Variants in CXCL13 observed in about 807,000 individuals in gnomAD.
CXCL13 encodes the protein C-X-C motif chemokine ligand 13, also known as C-X-C motif chemokine 13.
Under a neutral mutation model 12.2 loss-of-function variants are expected in CXCL13, and 7 were observed. That is an observed-to-expected ratio of 0.57 (90% CI 0.33 to 1.07). CXCL13 has a LOEUF of 1.07. CXCL13 is among the 50% of genes least tolerant of loss of function. CXCL13 has a pLI of 0.04. For missense variants in CXCL13, 113 were observed against 127.4 expected, an observed-to-expected ratio of 0.89 and a Z score of 0.55; for synonymous variants, 47 against 42.4, an observed-to-expected ratio of 1.11 and a Z score of -0.42.
intron 1 of CXCL13, among the ~76,000 whole-genome samples, chr4:77,606,755 T>C (rs1727011714): frequency 6.6e-6 from 1 of 152,236 alleles, no homozygotes; most frequent in South Asian, 2.1e-4. Flanking sequence ...TGTGGTATTT[T>C]AGTTTTTGTT....
intron 1 of CXCL13, among the ~76,000 whole-genome samples, chr4:77,554,800 C>G (rs1041430081): frequency 3.3e-5 from 5 of 152,012 alleles, no homozygotes; most frequent in African/African-American, 1.2e-4. Flanking sequence ...GAAAAATCCA[C>G]AAATGTTTGG....
chr4:77,538,505 C>A (rs951302882), intron 1 of CXCL13, among the ~76,000 whole-genome samples: 9 of 151,728 alleles, frequency 5.9e-5, no homozygotes, highest in Non-Finnish European at 1.0e-4. Context: ...TCCACACCCA[C>A]CCTCAACTTC....
At chr4:77,568,755 A>C (rs1415735649) in intron 1 of CXCL13, among the ~76,000 whole-genome samples, 1 of 152,136 alleles carries the variant, frequency 6.6e-6, no homozygotes, top group Non-Finnish European at 1.5e-5. Flanking sequence ...ACTGCCCCCG[A>C]AATGCTCTGT....
chr4:77,587,710 T>C (rs972452239), intron 1 of CXCL13, among the ~76,000 whole-genome samples: 4 of 152,218 alleles, frequency 2.6e-5, no homozygotes, highest in African/African-American at 9.7e-5. Flanking sequence ...CCCAAGGCCA[T>C]GAAACTAGTA....
intron 1 of CXCL13, among the ~76,000 whole-genome samples, chr4:77,583,605 G>T (rs1189044539): frequency 6.6e-6 from 1 of 152,168 alleles, no homozygotes; most frequent in South Asian, 2.1e-4. Flanking sequence ...AGGGTACTGA[G>T]TTCTCCTTTC....
intron 1 of CXCL13, among the ~76,000 whole-genome samples, chr4:77,545,732 C>A (rs1725345841): frequency 6.6e-6 from 1 of 152,036 alleles, no homozygotes; most frequent in South Asian, 2.1e-4. Context: ...AATTGAATAC[C>A]CTTTATTTCT....
rs140913003 is a variant in CXCL13, at chr4:77,558,427, A to C, written c.-43+46639A>C. Among the ~76,000 whole-genome samples the C allele has an allele frequency of 1.3e-3, 199 of 152,190 alleles. 2 individuals carry two copies. The highest frequency in any genetic ancestry group is 4.7e-3 in the African/African-American group (194 of 41,518). The stretch of plus-strand genomic sequence containing the variant: ...GACTACAGTGGAGCAATCTCAGCTC[A>C]CTGCAACCTCTGCCTCCCAAATTCA... On this transcript the variant is annotated intron_variant, in intron 1 of 4. Coordinates refer to the CXCL13 transcript ENST00000286758.
chr4:77,518,500 A>G (rs893001279), intron 1 of CXCL13, among the ~76,000 whole-genome samples: 2 of 151,980 alleles, frequency 1.3e-5, no homozygotes, highest in Non-Finnish European at 2.9e-5. Context: ...ATTTCTTTTT[A>G]TTCTTTTTTC....
At chr4:77,573,654 A>G (rs1578060452) in intron 1 of CXCL13, among the ~76,000 whole-genome samples, 1 of 151,894 alleles carries the variant, frequency 6.6e-6, no homozygotes, top group South Asian at 2.1e-4. Context: ...GATGTTATTT[A>G]AAGTATGGTT....
intron 1 of CXCL13, among the ~76,000 whole-genome samples, chr4:77,539,669 T>C (rs1161364779): frequency 1.3e-5 from 2 of 152,226 alleles, no homozygotes; most frequent in African/African-American, 4.8e-5. Context: ...TTAATGTGCT[T>C]GCTTGAACCC....
At chr4:77,514,842 T>G (rs963065144) in intron 1 of CXCL13, among the ~76,000 whole-genome samples, 5 of 152,214 alleles carry the variant, frequency 3.3e-5, no homozygotes, top group Admixed American at 6.5e-5. Context: ...TGGCTTTTGT[T>G]GCCATTGCTT....
intron 1 of CXCL13, among the ~76,000 whole-genome samples, chr4:77,560,697 T>C (rs959705155): frequency 6.6e-6 from 1 of 152,206 alleles, no homozygotes; most frequent in Non-Finnish European, 1.5e-5. Flanking sequence ...TCTTCATATA[T>C]GTTTCTGTTC....
At chr4:77,532,022 A>T (rs1724939689) in intron 1 of CXCL13, among the ~76,000 whole-genome samples, 1 of 152,186 alleles carries the variant, frequency 6.6e-6, no homozygotes, top group South Asian at 2.1e-4. Context: ...TGTGTCTTTT[A>T]ATTGGAGCAT....
intron 1 of CXCL13, among the ~76,000 whole-genome samples, chr4:77,556,939 C>T (rs1248028249): frequency 6.6e-6 from 1 of 152,106 alleles, no homozygotes; most frequent in Non-Finnish European, 1.5e-5. Flanking sequence ...ATCACTTAAG[C>T]CCAGGAGTTC....
At chr4:77,530,663 C>G (rs540668956) in intron 1 of CXCL13, among the ~76,000 whole-genome samples, 1 of 152,200 alleles carries the variant, frequency 6.6e-6, no homozygotes, top group South Asian at 2.1e-4. Context: ...ATTCTTCTCT[C>G]TTTTCTTCTT....
chr4:77,580,311 T>TC (rs1174898517), intron 1 of CXCL13, among the ~76,000 whole-genome samples: 66 of 72,372 alleles, frequency 9.1e-4, no homozygotes, highest in African/African-American at 4.0e-3. Flanking sequence ...TTTCTTTCTT[T>TC]TTTTTTTTTT....
intron 1 of CXCL13, among the ~76,000 whole-genome samples, chr4:77,520,846 G>A (rs996823534): frequency 2.6e-5 from 4 of 152,192 alleles, no homozygotes; most frequent in African/African-American, 9.7e-5. Context: ...GATATTGGTT[G>A]TGAGTTTGTC....
intron 1 of CXCL13, among the ~76,000 whole-genome samples, chr4:77,521,394 G>C (rs965682462): frequency 4.6e-5 from 7 of 152,074 alleles, no homozygotes; most frequent in Non-Finnish European, 1.5e-5. Context: ...CAATTTCAGA[G>C]ACTGTTATTG....
intron 1 of CXCL13, among the ~76,000 whole-genome samples, chr4:77,545,277 T>A (rs1195465815): frequency 6.6e-6 from 1 of 152,202 alleles, no homozygotes; most frequent in Non-Finnish European, 1.5e-5. Context: ...TTTCTAATTC[T>A]GTGAAGGAAG....
Sources: allele counts gnomAD v4.1 joint callset (sites outside exome capture counted in the v4.1 genomes callset), GRCh38; gene constraint gnomAD v4.1.1; transcripts MANE v1.5; gene names NCBI Gene and HGNC (gene_info 2026-07-23, HGNC 2026-07-21).